Variants in CACHD1 observed in about 807,000 individuals in gnomAD.
CACHD1 encodes the protein VWFA and cache domain-containing protein 1.
CACHD1 carries 71 observed loss-of-function variants against 138.7 expected under a neutral mutation model. The observed-to-expected ratio is 0.51, with a 90% CI of 0.42 to 0.62. CACHD1 has a LOEUF of 0.62. CACHD1 is among the 20% of genes least tolerant of loss of function. The pLI is 0.00. For synonymous variants in CACHD1, 578 were observed against 591.5 expected (o/e 0.98, Z 0.33); for missense variants, 1,389 against 1,625.3 (o/e 0.85, Z 2.50).
intron 16 of CACHD1, among the ~76,000 whole-genome samples, chr1:64,669,172 T>C (rs1649736026): frequency 6.6e-6 from 1 of 152,192 alleles, no homozygotes; most frequent in Non-Finnish European, 1.5e-5. Flanking sequence ...ATAATAATGT[T>C]TTGTGACCTC....
chr1:64,594,295 C>T (rs1647132807), intron 3 of CACHD1, among the ~76,000 whole-genome samples: 1 of 150,988 alleles, frequency 6.6e-6, no homozygotes, highest in African/African-American at 2.4e-5. Context: ...GCAGGACTTA[C>T]TGGAGAGCCA....
intron 2 of CACHD1, among the ~76,000 whole-genome samples, chr1:64,551,500 C>G (rs1265851426): frequency 1.3e-5 from 2 of 152,132 alleles, no homozygotes; most frequent in Non-Finnish European, 2.9e-5. Context: ...AGGTTTGAAA[C>G]TCAAGTAAAA....
In CACHD1 at chr1:64,629,386, A is replaced by C. The variant is rs1648222184; in HGVS notation, c.549A>C (p.Gly183=). ...VLADNLKSNP[G]IKWQYFSSEE... The stretch of plus-strand genomic sequence containing the variant: ...CAGACAACCTGAAATCCAACCCTGG[A>C]ATTAAGTGGCAATATTTCAGTTCAG... Residue 183 remains glycine (G), a synonymous_variant, in exon 5 of 27, where the codon GGA becomes GGC. Transcript: ENST00000651257. The C allele has an allele frequency of 6.2e-7, 1 of 1,613,920 alleles. No homozygotes were observed. The highest frequency in any genetic ancestry group is 1.7e-5 in the Admixed American group (1 of 59,992).
chr1:64,681,117 C>T, intron 24 of CACHD1, 141 bp from the exon 25 acceptor site: 1 of 494,248 alleles, frequency 2.0e-6, no homozygotes, highest in South Asian at 4.3e-5. Flanking sequence ...CATGGGGCAT[C>T]AGTTCATTCC....
intron 3 of CACHD1, among the ~76,000 whole-genome samples, chr1:64,596,469 G>A (rs1647152886): frequency 2.0e-5 from 3 of 152,176 alleles, no homozygotes; most frequent in Admixed American, 2.0e-4. Flanking sequence ...GGCTTAGTAG[G>A]CCTGAGTGTT....
At chr1:64,532,311 G>T (rs1570339742) in intron 1 of CACHD1, among the ~76,000 whole-genome samples, 1 of 152,144 alleles carries the variant, frequency 6.6e-6, no homozygotes, top group Non-Finnish European at 1.5e-5. Flanking sequence ...CTGGTTCTAG[G>T]CACTGAGGAC....
At chr1:64,631,907 AGAAAG>A (rs925085607) in intron 5 of CACHD1, among the ~76,000 whole-genome samples, 5 of 152,166 alleles carry the variant, frequency 3.3e-5, no homozygotes, top group Non-Finnish European at 7.3e-5. Context: ...GTTTCAGTCC[AGAAAG>A]GAAAGGGGCC....
At chr1:64,671,368 T>TTA (rs1649810273) in intron 16 of CACHD1, among the ~76,000 whole-genome samples, 196 bp from the exon 17 acceptor site, 1 of 152,198 alleles carries the variant, frequency 6.6e-6, no homozygotes, top group Admixed American at 6.5e-5. Context: ...ACATTAAGTC[T>TTA]TAAATTTTTT....
intron 4 of CACHD1, among the ~76,000 whole-genome samples, chr1:64,623,684 C>T (rs1299215721): frequency 3.3e-5 from 5 of 152,018 alleles, no homozygotes; most frequent in Admixed American, 1.3e-4. Context: ...GGTAAAACAC[C>T]GGAGGAGGAT....
intron 1 of CACHD1, among the ~76,000 whole-genome samples, chr1:64,508,132 A>G (rs901234028): frequency 3.3e-5 from 5 of 152,152 alleles, no homozygotes; most frequent in Non-Finnish European, 5.9e-5. Flanking sequence ...GGTGCTACAC[A>G]CTTTGAAACA....
chr1:64,666,422 G>A (rs1283738215), intron 16 of CACHD1, among the ~76,000 whole-genome samples: 2 of 152,270 alleles, frequency 1.3e-5, no homozygotes, highest in South Asian at 2.1e-4. Flanking sequence ...TGTTAGCCCT[G>A]TTCTTGGCAG....
intron 1 of CACHD1, 90 bp from the exon 2 acceptor site, chr1:64,550,504 C>T (rs1646750541): frequency 1.1e-6 from 1 of 912,868 alleles, no homozygotes; most frequent in African/African-American, 1.7e-5. Flanking sequence ...CTACTAGATT[C>T]TATTTGTTGT....
chr1:64,675,474 C>T lies in CACHD1; in HGVS notation c.2801C>T (p.Ala934Val), dbSNP rs756837895. The T allele has an allele frequency of 7.4e-6, 12 of 1,613,608 alleles. No individual in the cohort carries two copies. The highest frequency in any genetic ancestry group is 2.2e-5 in the East Asian group (1 of 44,884). The change falls in exon 20 of 27, where the codon GCG becomes GTG. Residue 934 changes from alanine (A) to valine (V), a missense_variant. Around this residue, in one of 5 missense-constraint regions of CACHD1, gnomAD observed 50 missense variants for 108.2 expected, o/e 0.46. Coordinates refer to ENST00000651257, the MANE Select transcript of CACHD1 (RefSeq NM_020925.4). The part of the protein sequence containing the change: ...YRLARIPGTN[A>V]FVGIVNETCD... ...TTAGCAAGGATCCCAGGAACCAACG[C>T]GTTTGTTGGCATTGTCAACGAAACC...
At chr1:64,495,107 G>T (rs765708809) in intron 1 of CACHD1, among the ~76,000 whole-genome samples, 13 of 152,008 alleles carry the variant, frequency 8.6e-5, no homozygotes, top group Non-Finnish European at 1.8e-4. Context: ...CAGATCCAGT[G>T]GTTGAAAACA....
intron 2 of CACHD1, among the ~76,000 whole-genome samples, chr1:64,554,546 C>T (rs983096736): frequency 6.6e-6 from 1 of 152,144 alleles, no homozygotes; most frequent in Non-Finnish European, 1.5e-5. Context: ...TAATCCTTTG[C>T]CAAATGTGGG....
At chr1:64,665,913 G>T in intron 15 of CACHD1, 144 bp from the exon 16 acceptor site, 1 of 411,808 alleles carries the variant, frequency 2.4e-6, no homozygotes, top group South Asian at 3.9e-5. Context: ...GCTGAGGCAG[G>T]AGAATGGCGT....
At chr1:64,588,485 G>A (rs563992594) in intron 3 of CACHD1, among the ~76,000 whole-genome samples, 41 of 150,544 alleles carry the variant, frequency 2.7e-4, no homozygotes, top group Admixed American at 1.1e-3. Context: ...GCAGTGGCAC[G>A]ATCTCATGCC....
At chr1:64,631,807 A>C (rs764371600) in intron 5 of CACHD1, among the ~76,000 whole-genome samples, 8 of 152,180 alleles carry the variant, frequency 5.3e-5, no homozygotes, top group Non-Finnish European at 1.2e-4. Flanking sequence ...CCTGGCAAGA[A>C]GAGTGGCTAT....
chr1:64,548,651 G>A (rs1010852952), intron 1 of CACHD1, among the ~76,000 whole-genome samples: 3 of 152,108 alleles, frequency 2.0e-5, no homozygotes, highest in African/African-American at 4.8e-5. Context: ...CTAGAGCAGA[G>A]CCCCATAATC....
Sources: allele counts gnomAD v4.1 joint callset (sites outside exome capture counted in the v4.1 genomes callset), GRCh38; gene constraint gnomAD v4.1.1; regional missense constraint gnomAD v4.1.1; transcripts MANE v1.5; gene names NCBI Gene and HGNC (gene_info 2026-07-23, HGNC 2026-07-21).